EYS: variants seen among roughly 807,000 people sequenced by gnomAD.
EYS encodes EGF-like photoreceptor maintenance factor, also known as protein eyes shut homolog.
Under a neutral mutation model 282.1 loss-of-function variants are expected in EYS, and 250 were observed. The observed-to-expected ratio is 0.89, with a 90% CI of 0.80 to 0.98. The LOEUF (loss-of-function observed/expected upper bound fraction) is 0.98. EYS is among the 50% of genes least tolerant of loss of function. The pLI, the probability that EYS is intolerant of heterozygous loss-of-function variation, is 0.00. For missense variants in EYS, 4,016 were observed against 3,709.0 expected, an observed-to-expected ratio of 1.08 and a Z score of -2.15; for synonymous variants, 1,355 against 1,282.9, an observed-to-expected ratio of 1.06 and a Z score of -1.20.
intron 13 of EYS, among the ~76,000 whole-genome samples, chr6:65,045,809 A>T (rs896890011): frequency 2.0e-5 from 3 of 151,940 alleles, no homozygotes; most frequent in Non-Finnish European, 4.4e-5. Context: ...TAGAATGGCT[A>T]GGGATGTAGC....
intron 15 of EYS, among the ~76,000 whole-genome samples, chr6:64,929,221 G>A (rs371460255): frequency 4.6e-5 from 7 of 152,010 alleles, no homozygotes; most frequent in East Asian, 1.9e-4. Flanking sequence ...AAAATTGAAG[G>A]CTGAGATGAG....
chr6:63,757,403 A>T (rs1562011933), intron 41 of EYS, among the ~76,000 whole-genome samples: 2 of 152,144 alleles, frequency 1.3e-5, no homozygotes, highest in East Asian at 1.9e-4. Context: ...GTTGTTTAAG[A>T]TGTTTATTAA....
chr6:63,780,095 G>A (rs1327679053), intron 39 of EYS, among the ~76,000 whole-genome samples: 1 of 152,168 alleles, frequency 6.6e-6, no homozygotes, highest in Non-Finnish European at 1.5e-5. Flanking sequence ...TTTTATGGCT[G>A]CATAGTATTC....
chr6:63,984,418 A>G lies in EYS; in HGVS notation c.7020T>C (p.Ala2340=), dbSNP rs1582079748. 1 of 1,549,540 alleles carries G rather than the reference A, an allele frequency of 6.5e-7. No individual in the cohort carries two copies. The highest frequency in any genetic ancestry group is 8.7e-7 in the Non-Finnish European group (1 of 1,145,480). Residue 2340 remains alanine (A), a synonymous_variant, in exon 35 of 43, where the codon GCT becomes GCC. Transcript: ENST00000503581. ...TGCCATTGTTGCGGCACAGATGATG[A>G]GCACACCAAGGGACGTGGCAGTTCT... ...NIENCHVPWC[A]HHLCRNNGTC... is the part of the protein sequence containing the mutation.
Position 65,170,433 on chromosome 6 carries a change from T to C in EYS, c.2024-112706A>G, listed in dbSNP as rs147325705. The stretch of plus-strand genomic sequence containing the variant: ...ACAAAAAGACGTACTAAAGTGGGAA[T>C]GAAAATGAAAGCATGGCCAAATGAT... On this transcript the variant is annotated intron_variant, in intron 12 of 42. Coordinates refer to ENST00000503581, the MANE Select transcript of EYS (RefSeq NM_001142800.2). Among the ~76,000 whole-genome samples the C allele has an allele frequency of 6.4e-3, 971 of 151,626 alleles. 12 individuals are homozygous for C. Among genetic ancestry groups the C allele is most frequent in the African/African-American group, 0.022 (913 of 41,458 alleles).
intron 22 of EYS, among the ~76,000 whole-genome samples, chr6:64,740,753 A>G (rs2349992): frequency 0.8 from 119,767 of 149,464 alleles, 48,506 homozygotes; most frequent in Non-Finnish European, 0.87. Flanking sequence ...TCGCTCTGTC[A>G]CCCAGGCTGG....
chr6:65,268,349 T>G (rs1296663714), intron 12 of EYS, among the ~76,000 whole-genome samples: 2 of 152,058 alleles, frequency 1.3e-5, no homozygotes, highest in Non-Finnish European at 2.9e-5. Flanking sequence ...GGATAAATTA[T>G]AGATTTGAAA....
At chr6:64,011,644 G>A (rs1210935067) in intron 33 of EYS, among the ~76,000 whole-genome samples, 1 of 150,034 alleles carries the variant, frequency 6.7e-6, no homozygotes, top group African/African-American at 2.5e-5. Flanking sequence ...TTCTTTTTAA[G>A]GTACCTATGT....
chr6:65,057,767 G>T, intron 12 of EYS, 40 bp from the exon 13 acceptor site: 2 of 1,288,860 alleles, frequency 1.6e-6, no homozygotes, highest in Non-Finnish European at 2.2e-6. Flanking sequence ...GTGTTAACAA[G>T]ACAGGCATGT....
intron 26 of EYS, among the ~76,000 whole-genome samples, chr6:64,516,298 G>T (rs1582842961): frequency 6.6e-6 from 1 of 151,504 alleles, no homozygotes; most frequent in Non-Finnish European, 1.5e-5. Flanking sequence ...CTTTTTTGGA[G>T]AGTGGAAGGT....
At chr6:64,850,956 C>A (rs1254735570) in intron 19 of EYS, among the ~76,000 whole-genome samples, 4 of 152,014 alleles carry the variant, frequency 2.6e-5, no homozygotes, top group Non-Finnish European at 4.4e-5. Context: ...TCCTAGTTGG[C>A]ATATGTTGAT....
At chr6:64,580,239 A>G (rs1056231663) in intron 26 of EYS, among the ~76,000 whole-genome samples, 2 of 152,158 alleles carry the variant, frequency 1.3e-5, no homozygotes, top group Non-Finnish European at 1.5e-5. Flanking sequence ...CTATTAACAT[A>G]TAACTCCTCC....
At chr6:64,752,173 C>T (rs1285773429) in intron 22 of EYS, among the ~76,000 whole-genome samples, 1 of 151,554 alleles carries the variant, frequency 6.6e-6, no homozygotes, top group African/African-American at 2.4e-5. Flanking sequence ...TTTTGAAATA[C>T]CAGATAAATA....
At chr6:64,860,486 T>C (rs1766202807) in intron 19 of EYS, among the ~76,000 whole-genome samples, 1 of 152,224 alleles carries the variant, frequency 6.6e-6, no homozygotes, top group Admixed American at 6.5e-5. Flanking sequence ...CCCTGTGTGG[T>C]TGTGACTGGG....
chr6:64,630,909 C>T (rs1202003500), intron 22 of EYS, among the ~76,000 whole-genome samples: 2 of 152,156 alleles, frequency 1.3e-5, no homozygotes, highest in Non-Finnish European at 2.9e-5. Context: ...AATTGTGCTA[C>T]TTATATTGGT....
chr6:64,175,383 ATAG>A (rs1384500448), intron 31 of EYS, among the ~76,000 whole-genome samples: 2 of 152,156 alleles, frequency 1.3e-5, no homozygotes, highest in African/African-American at 4.8e-5. Context: ...GTGAGGGAAG[ATAG>A]TAGTAAAGAA....
intron 22 of EYS, among the ~76,000 whole-genome samples, chr6:64,784,187 CTTTCT>C (rs1374798194): frequency 7.2e-5 from 11 of 151,784 alleles, no homozygotes; most frequent in Non-Finnish European, 1.3e-4. Context: ...ATTGAATTAT[CTTTCT>C]TTTCTTTTTT....
intron 12 of EYS, among the ~76,000 whole-genome samples, chr6:65,181,710 A>G (rs532582150): frequency 1.3e-5 from 2 of 152,224 alleles, no homozygotes; most frequent in South Asian, 2.1e-4. Context: ...ATTACTGGGT[A>G]TATACCCAAA....
At chr6:65,106,893 A>G (rs1376555442) in intron 12 of EYS, among the ~76,000 whole-genome samples, 1 of 152,102 alleles carries the variant, frequency 6.6e-6, no homozygotes, top group African/African-American at 2.4e-5. Flanking sequence ...ACAAATATTT[A>G]TAGATAGATG....
Sources: allele counts gnomAD v4.1 joint callset (sites outside exome capture counted in the v4.1 genomes callset), GRCh38; gene constraint gnomAD v4.1.1; transcripts MANE v1.5; gene names NCBI Gene and HGNC (gene_info 2026-07-23, HGNC 2026-07-21).